Variants in DNM1L observed in about 807,000 individuals in gnomAD.
The protein encoded by DNM1L is dynamin 1L.
Under a neutral mutation model 92.8 loss-of-function variants are expected in DNM1L, and 33 were observed. That is an observed-to-expected ratio of 0.36 (90% CI 0.27 to 0.48). DNM1L has a LOEUF of 0.48. Ranked by LOEUF, DNM1L falls within the 20% of genes least tolerant of loss-of-function variation. The pLI, the probability that DNM1L is intolerant of heterozygous loss-of-function variation, is 0.99. For missense variants in DNM1L, 485 were observed against 888.8 expected, an observed-to-expected ratio of 0.55 and a Z score of 5.78; for synonymous variants, 284 against 305.0, an observed-to-expected ratio of 0.93 and a Z score of 0.72.
chr12:32,725,255 G>T (rs1229120881), intron 9 of DNM1L: 2 of 152,080 alleles, frequency 1.3e-5, no homozygotes, highest in South Asian at 2.1e-4. Context: ...AATTGTATTT[G>T]AAATTTTTAT....
chr12:32,726,561 C>T (rs552085440), intron 9 of DNM1L: 54 of 1,208,150 alleles, frequency 4.5e-5, no homozygotes, highest in African/African-American at 3.9e-4. Flanking sequence ...TGTATGCTCA[C>T]GTAAAAAGTG....
At chr12:32,705,014 T>G (rs1952866337) in intron 2 of DNM1L, among the ~76,000 whole-genome samples, 1 of 150,880 alleles carries the variant, frequency 6.6e-6, no homozygotes, top group African/African-American at 2.4e-5. Context: ...TTTTTTTTTT[T>G]TTTTTTTTTA....
chr12:32,714,267 A>T (rs909488502), intron 6 of DNM1L, among the ~76,000 whole-genome samples: 1 of 148,434 alleles, frequency 6.7e-6, no homozygotes, highest in Non-Finnish European at 1.5e-5. Flanking sequence ...GGTCACTTTA[A>T]CAATTTTTTT....
intron 6 of DNM1L, among the ~76,000 whole-genome samples, chr12:32,713,894 T>C (rs1953244634): frequency 6.6e-6 from 1 of 152,080 alleles, no homozygotes; most frequent in Admixed American, 6.6e-5. Flanking sequence ...TCTGCAGAGG[T>C]AGATAATATT....
chr12:32,718,023 TATAA>T (rs1228415890), intron 6 of DNM1L, among the ~76,000 whole-genome samples: 15 of 126,484 alleles, frequency 1.2e-4, no homozygotes, highest in South Asian at 4.6e-4. Context: ...GTATATATAT[TATAA>T]ATATATACTA....
rs141224536 is a variant in DNM1L at position 32,737,915 on chromosome 12, C to T, written c.1647C>T (p.Pro549=). 2.9e-5 allele frequency: 46 copies of T among 1,613,860 alleles called. No individual in the cohort carries two copies. The highest frequency in any genetic ancestry group is 3.3e-5 in the Non-Finnish European group (39 of 1,180,006). ...ALAPASQEPS[P]AASAEADGKL... Reference sequence around the variant, plus strand: ...CACCTGCCTCCCAGGAGCCCTCCCCCGCTGCTTCTGCTGAGGCTGATGGCA... The same window carrying T: ...CACCTGCCTCCCAGGAGCCCTCCCCTGCTGCTTCTGCTGAGGCTGATGGCA... Residue 549 remains proline (P), a synonymous_variant, in exon 15 of 20, where the codon CCC becomes CCT. Coordinates refer to ENST00000549701, the MANE Select transcript of DNM1L (RefSeq NM_012062.5).
chr12:32,713,233 G>T lies in DNM1L; in HGVS notation c.481G>T (p.Asp161Tyr), dbSNP rs953313441. ...TKVPVGDQPK[D>Y]IELQIRELIL... is the part of the protein sequence containing the mutation. Reference sequence around the variant, plus strand: ...GGTGCCTGTAGGTGATCAACCTAAGGATATTGAGCTTCAAATCAGAGAGCT... The same window carrying T: ...GGTGCCTGTAGGTGATCAACCTAAGTATATTGAGCTTCAAATCAGAGAGCT... Residue 161 changes from aspartate (D) to tyrosine (Y), a missense_variant, in exon 6 of 20, where the codon GAT becomes TAT. Around this residue, in one of 11 missense-constraint regions of DNM1L, gnomAD observed 159 missense variants for 275.9 expected, o/e 0.58. Coordinates refer to ENST00000549701, the MANE Select transcript of DNM1L (RefSeq NM_012062.5). 5.0e-6 allele frequency: 8 copies of T among 1,613,862 alleles called. No individual in the cohort carries two copies. The highest frequency in any genetic ancestry group is 6.8e-6 in the Non-Finnish European group (8 of 1,179,928).
chr12:32,680,629 C>T (rs1909512), intron 1 of DNM1L, among the ~76,000 whole-genome samples: 1 of 152,132 alleles, frequency 6.6e-6, no homozygotes, highest in African/African-American at 2.4e-5. Context: ...TCAATCTTGC[C>T]TACGTATTCT....
chr12:32,683,400 T>G (rs1452333299), intron 1 of DNM1L, among the ~76,000 whole-genome samples: 1 of 151,824 alleles, frequency 6.6e-6, no homozygotes, highest in African/African-American at 2.4e-5. Context: ...TTTTTAAATT[T>G]AAAATCGCTG....
intron 2 of DNM1L, 186 bp from the exon 3 acceptor site, chr12:32,707,181 T>C: frequency 2.0e-6 from 1 of 502,518 alleles, no homozygotes; most frequent in South Asian, 3.7e-5. Flanking sequence ...TTTTAAAATA[T>C]AATTTAGCAG....
chr12:32,737,700 A>T, intron 14 of DNM1L, 165 bp from the exon 15 acceptor site: 4 of 630,290 alleles, frequency 6.3e-6, no homozygotes, highest in Non-Finnish European at 1.1e-5. Flanking sequence ...CAAAGGTGAC[A>T]ATGGTGAAGG....
chr12:32,730,261 G>A (rs61406817), intron 9 of DNM1L, among the ~76,000 whole-genome samples: 1,529 of 152,332 alleles, frequency 0.01, 29 homozygotes, highest in African/African-American at 0.034. Flanking sequence ...CTACTTGGGA[G>A]GCTGAGGCAG....
intron 6 of DNM1L, among the ~76,000 whole-genome samples, chr12:32,714,401 T>C (rs1281912992): frequency 6.6e-6 from 1 of 151,194 alleles, no homozygotes; most frequent in Non-Finnish European, 1.5e-5. Flanking sequence ...GCCTCCTGAG[T>C]AGCTGGGACT....
intron 1 of DNM1L, among the ~76,000 whole-genome samples, chr12:32,688,380 C>A (rs886425779): frequency 5.9e-5 from 9 of 152,136 alleles, no homozygotes; most frequent in African/African-American, 2.2e-4. Context: ...TCTTTTAGCA[C>A]TTTATCTTAC....
At chr12:32,691,341 C>T (rs915641515) in intron 1 of DNM1L, among the ~76,000 whole-genome samples, 7 of 152,054 alleles carry the variant, frequency 4.6e-5, no homozygotes, top group Admixed American at 1.3e-4. Context: ...CTGGTTCAAG[C>T]GATTCTCCTG....
Position 32,731,820 on chromosome 12 carries a change from A to ACAAAAAC in DNM1L, c.1357-30_1357-29insAACCAAA. On this transcript the variant is annotated intron_variant, in intron 11 of 19. Coordinates refer to ENST00000549701, the MANE Select transcript of DNM1L (RefSeq NM_012062.5). The surrounding 1 kb of genome is among the most constrained non-coding windows in gnomAD (Gnocchi z 5.1). ...CTATGACTTAAAAAAAAAACAAAAA[A>ACAAAAAC]CAAACACGTTTTTCTTTCATCTACC... 6.3e-7 allele frequency: 1 copy of ACAAAAAC among 1,578,740 alleles called. No homozygotes were observed. Among genetic ancestry groups the ACAAAAAC allele is most frequent in the Middle Eastern group, 1.7e-4 (1 of 6,008 alleles).
chr12:32,679,445 ATCG>A lies in DNM1L; in HGVS notation c.87_89del (p.Val31del), dbSNP rs1349271328. The A allele has an allele frequency of 6.2e-7, 1 of 1,612,748 alleles. No individual in the cohort carries two copies. Among genetic ancestry groups the A allele is most frequent in the Admixed American group, 1.7e-5 (1 of 60,026 alleles). On this transcript the variant is annotated inframe_deletion, in exon 1 of 20. Transcript: ENST00000549701. ...CGCCGACATCATCCAGCTGCCTCAA[ATCG>A]TCGTAGTGGGAACGCAGGTGAGAGC...
At chr12:32,694,363 C>T (rs1360739341) in intron 1 of DNM1L, among the ~76,000 whole-genome samples, 1 of 152,202 alleles carries the variant, frequency 6.6e-6, no homozygotes, top group Non-Finnish European at 1.5e-5. Flanking sequence ...GGATTACAGG[C>T]GTGAGCCACC....
intron 18 of DNM1L, 150 bp downstream of exon 18, chr12:32,740,668 A>G (rs775825089): frequency 1.2e-4 from 80 of 686,874 alleles, no homozygotes; most frequent in Non-Finnish European, 1.8e-4. Context: ...ACTTGTAGCA[A>G]GACCCATTTT....
Sources: gnomAD v4.1 joint callset for allele counts (sites outside exome capture counted in the v4.1 genomes callset) on GRCh38, gnomAD v4.1.1 for gene constraint, gnomAD v4.1.1 regional missense constraint, Gnocchi (gnomAD v3.1) non-coding constraint, MANE v1.5 for transcripts, NCBI Gene and HGNC (gene_info 2026-07-23, HGNC 2026-07-21) for gene names.